ATP7A: variants seen among roughly 807,000 people sequenced by gnomAD.
ATP7A encodes the protein ATPase copper transporting alpha, also known as copper-transporting ATPase 1.
Under a neutral mutation model 83.5 loss-of-function variants are expected in ATP7A, and 7 were observed. That is an observed-to-expected ratio of 0.08 (90% CI 0.05 to 0.16). The LOEUF is 0.16. Ranked by LOEUF, ATP7A falls within the 10% of genes least tolerant of loss-of-function variation. The pLI is 1.00. For missense variants in ATP7A, 940 were observed against 1,120.8 expected, an observed-to-expected ratio of 0.84 and a Z score of 2.30; for synonymous variants, 354 against 395.2, an observed-to-expected ratio of 0.90 and a Z score of 1.24.
At position 78,046,624 on chromosome X, in the gene ATP7A, A is replaced by G; in HGVS notation, c.*54A>G. On this transcript the variant is annotated 3_prime_UTR_variant, in exon 23 of 23. Coordinates refer to ENST00000341514, the MANE Select transcript of ATP7A (RefSeq NM_000052.7). ...CTTGTCATGCACTGACACAGCATTC[A>G]TGATGTTACCTTCACTTTTCAAAAT... 4.2e-6 allele frequency: 5 copies of G among 1,176,635 alleles called. No homozygotes were observed. In the South Asian group the frequency reaches 7.1e-5, roughly 17 times the overall value.
At chrX:78,015,624 A>G in intron 11 of ATP7A, 130 bp from the exon 12 acceptor site, 1 of 859,371 alleles carries the variant, frequency 1.2e-6, no homozygotes, top group South Asian at 2.2e-5. Flanking sequence ...TCCTAGTTTA[A>G]ATGTTGGTTC....
intron 17 of ATP7A, 79 bp downstream of exon 17, chrX:78,033,900 A>G: frequency 2.4e-5 from 23 of 954,303 alleles, no homozygotes; most frequent in Non-Finnish European, 3.5e-5. Context: ...GAACTGTTAT[A>G]GAAGAAACAA....
chrX:78,015,029 G>A (rs2077852096), intron 11 of ATP7A, among the ~76,000 whole-genome samples: 1 of 111,844 alleles, frequency 8.9e-6, no homozygotes, highest in African/African-American at 3.2e-5. Context: ...CTACCGTACT[G>A]TACCTAACAA....
intron 2 of ATP7A, among the ~76,000 whole-genome samples, chrX:77,973,483 A>G (rs1785328127): frequency 8.9e-6 from 1 of 112,309 alleles, no homozygotes; most frequent in Non-Finnish European, 1.9e-5. Context: ...CTTTTAAATT[A>G]TAGACATTCT....
In ATP7A at chrX:78,015,820, A is replaced by G. The variant is rs1557235088; in HGVS notation, c.2565A>G (p.Lys855=). 1.7e-6 allele frequency: 2 copies of G among 1,211,484 alleles called. No individual in the cohort carries two copies. Among genetic ancestry groups the G allele is most frequent in the Non-Finnish European group, 2.2e-6 (2 of 895,159 alleles). The part of the protein sequence containing the change: ...GDIIKVVPGG[K]FPVDGRVIEG... ...TCATTAAAGTAGTTCCAGGAGGCAA[A>G]TTTCCAGTGGATGGTCGTGTTATTG... Residue 855 remains lysine (K), a synonymous_variant, in exon 12 of 23, where the codon AAA becomes AAG. Transcript: ENST00000341514.
chrX:77,941,711 G>A (rs2077352037), intron 1 of ATP7A, among the ~76,000 whole-genome samples: 1 of 112,061 alleles, frequency 8.9e-6, no homozygotes, highest in Admixed American at 9.5e-5. Context: ...TTTATCTTTA[G>A]AGTATAGTTC....
intron 2 of ATP7A, among the ~76,000 whole-genome samples, chrX:77,979,871 T>G (rs1316317655): frequency 1.8e-5 from 2 of 112,659 alleles, no homozygotes; most frequent in East Asian, 5.5e-4. Flanking sequence ...ATACAGTAAA[T>G]AAATGTAATT....
Position 78,046,813 on chromosome X carries a change from G to A in ATP7A, c.*243G>A, listed in dbSNP as rs1557239195. ...TTTCACTAACAACAGATAAGGTAGA[G>A]CAGTGAGGTTTACAACAAGCCCTAC... On this transcript the variant is annotated 3_prime_UTR_variant, in exon 23 of 23. Transcript: ENST00000341514. 18 of 376,668 alleles carry A rather than the reference G, an allele frequency of 4.8e-5. No individual in the cohort carries two copies. The highest frequency in any genetic ancestry group is 4.5e-6 in the Non-Finnish European group (1 of 220,397). The allele number at this position is 376,668 out of a possible 1,213,427, so 31.0% of individuals were successfully genotyped here. A position where few individuals can be genotyped will look rare whatever the true frequency, so the allele number is the denominator to read the frequency against.
Position 78,011,492 on chromosome X carries a change from G to C in ATP7A, c.1990G>C (p.Val664Leu), listed in dbSNP as rs782783435. The C allele has an allele frequency of 1.7e-6, 2 of 1,210,544 alleles. No individual in the cohort carries two copies. The highest frequency in any genetic ancestry group is 4.4e-5 in the Admixed American group (2 of 45,895). Residue 664 changes from valine (V) to leucine (L), a missense_variant, in exon 9 of 23, where the codon GTA (valine) becomes CTA (leucine). By Grantham distance (32) the Val-to-Leu change is conservative. Around this residue, in one of 3 missense-constraint regions of ATP7A, gnomAD observed 204 missense variants for 185.8 expected, o/e 1.10. Transcript: ENST00000341514. ...TGTGAGTCTGTTTTTCTGTATTCCT[G>C]TAATGGGGCTGATGATATATATGAT... ...FLVSLFFCIPVMGLMIYMMVM... is the reference protein window; with the variant it reads ...FLVSLFFCIPLMGLMIYMMVM...
chrX:78,001,298 G>A (rs2077737300), intron 5 of ATP7A, among the ~76,000 whole-genome samples: 1 of 110,364 alleles, frequency 9.1e-6, no homozygotes, highest in Non-Finnish European at 1.9e-5. Context: ...CTGTGTATAC[G>A]TTTATCTACT....
At chrX:77,944,306 G>A (rs1310208887) in intron 1 of ATP7A, among the ~76,000 whole-genome samples, 6 of 111,902 alleles carry the variant, frequency 5.4e-5, no homozygotes, top group African/African-American at 1.9e-4. Context: ...GTTTGTAATT[G>A]TTTATCCCTC....
At chrX:77,972,026 A>G (rs2149074021) in intron 2 of ATP7A, among the ~76,000 whole-genome samples, 1 of 111,860 alleles carries the variant, frequency 8.9e-6, no homozygotes, top group African/African-American at 3.2e-5. Context: ...TTATAAGTAT[A>G]TGAGTATTTA....
At chrX:77,983,212 A>T (rs1432474461) in intron 2 of ATP7A, among the ~76,000 whole-genome samples, 1 of 112,295 alleles carries the variant, frequency 8.9e-6, no homozygotes, top group African/African-American at 3.2e-5. Context: ...AATACAGAAG[A>T]GAAAACATGT....
chrX:78,001,149 A>T (rs1432187298), intron 5 of ATP7A, among the ~76,000 whole-genome samples: 1 of 111,482 alleles, frequency 9.0e-6, no homozygotes, highest in East Asian at 2.8e-4. Flanking sequence ...ATTTTTTCCT[A>T]CTTTCTCTAT....
intron 1 of ATP7A, among the ~76,000 whole-genome samples, chrX:77,948,455 T>C (rs1557226455): frequency 1.8e-5 from 2 of 112,200 alleles, no homozygotes; most frequent in Non-Finnish European, 3.8e-5. Flanking sequence ...TGTCTGCCTT[T>C]CTCAGAAAAT....
chrX:77,990,293 G>A (rs1557231963), intron 4 of ATP7A, among the ~76,000 whole-genome samples: 1 of 112,044 alleles, frequency 8.9e-6, no homozygotes, highest in Non-Finnish European at 1.9e-5. Flanking sequence ...AAGCTGAAAA[G>A]CTATATATAC....
Position 78,046,386 on chromosome X carries a change from T to G in ATP7A, c.4319T>G (p.Ile1440Arg). 1.7e-6 allele frequency: 2 copies of G among 1,211,461 alleles called. No individual in the cohort carries two copies. The highest frequency in any genetic ancestry group is 1.8e-5 in the South Asian group (1 of 56,971). The change falls in exon 23 of 23, where the codon ATA becomes AGA. Residue 1440 changes from isoleucine (I) to arginine (R), a missense_variant. Ile to Arg is a moderately conservative substitution (Grantham distance 97, BLOSUM62 -3). This residue lies in a region of ATP7A where 386 missense variants were observed against 502.2 expected (regional missense o/e 0.77). Coordinates refer to ENST00000341514, the MANE Select transcript of ATP7A (RefSeq NM_000052.7). ...TCAGAAATCAGCGTTCATGTTGGAA[T>G]AGATGATACCTCAAGGAATTCTCCT... ...SPSEISVHVGIDDTSRNSPKL... is the reference protein window; with the variant it reads ...SPSEISVHVGRDDTSRNSPKL...
intron 11 of ATP7A, 31 bp from the exon 12 acceptor site, chrX:78,015,723 C>T (rs782433268): frequency 2.5e-6 from 3 of 1,209,549 alleles, no homozygotes; most frequent in Admixed American, 2.2e-5. Flanking sequence ...AGCATATTAT[C>T]ATGGTGCTTT....
At chrX:78,030,848 T>C (rs782766796) in intron 15 of ATP7A, among the ~76,000 whole-genome samples, 2 of 109,344 alleles carry the variant, frequency 1.8e-5, no homozygotes, top group South Asian at 4.0e-4. Context: ...TGCACCACCA[T>C]GCCCAGCTAA....
Sources: gnomAD v4.1 joint callset for allele counts (sites outside exome capture counted in the v4.1 genomes callset) on GRCh38, gnomAD v4.1.1 for gene constraint, gnomAD v4.1.1 regional missense constraint, MANE v1.5 for transcripts, NCBI Gene and HGNC (gene_info 2026-07-23, HGNC 2026-07-21) for gene names.